The following DIP2C variants were observed in gnomAD, a reference collection of about 807,000 sequenced individuals.
DIP2C encodes DIP2 acetate--CoA ligase C (putative).
DIP2C carries 33 observed loss-of-function variants against 192.4 expected under a neutral mutation model. The ratio of observed to expected loss-of-function variants is 0.17; its 90% CI spans 0.13 to 0.23. The LOEUF (loss-of-function observed/expected upper bound fraction) is 0.23. Ranked by LOEUF, DIP2C falls within the 10% of genes least tolerant of loss-of-function variation. DIP2C has a pLI of 1.00. For synonymous variants in DIP2C, 979 were observed against 864.1 expected, an observed-to-expected ratio of 1.13 and a Z score of -2.33; for missense variants, 1,537 against 2,110.1, an observed-to-expected ratio of 0.73 and a Z score of 5.32.
intron 4 of DIP2C, among the ~76,000 whole-genome samples, chr10:438,781 ATGCC>A (rs1967481306): frequency 6.6e-6 from 1 of 152,082 alleles, no homozygotes; most frequent in South Asian, 2.1e-4. Context: ...ATGAGCCACC[ATGCC>A]TGGCCTAATC....
chr10:278,462 G>T (rs1418895170), intron 36 of DIP2C, among the ~76,000 whole-genome samples: 1 of 152,342 alleles, frequency 6.6e-6, no homozygotes, highest in East Asian at 1.9e-4. Context: ...GGACACACCT[G>T]GGCTGGCCCT....
At chr10:546,478 C>T (rs1013214580) in intron 1 of DIP2C, among the ~76,000 whole-genome samples, 5 of 152,164 alleles carry the variant, frequency 3.3e-5, no homozygotes, top group African/African-American at 1.2e-4. Flanking sequence ...GTTCAGTGGG[C>T]TGCAGAACTC....
intron 1 of DIP2C, among the ~76,000 whole-genome samples, chr10:686,486 G>A (rs531531901): frequency 6.6e-5 from 10 of 152,000 alleles, no homozygotes; most frequent in East Asian, 1.9e-4. Flanking sequence ...CCTCCTGACC[G>A]TGTGGCCTCC....
chr10:590,812 G>A lies in DIP2C; in HGVS notation c.85+98682C>T, dbSNP rs768327090. On this transcript the variant is annotated intron_variant, in intron 1 of 36. Coordinates refer to ENST00000280886, the MANE Select transcript of DIP2C (RefSeq NM_014974.3). The stretch of plus-strand genomic sequence containing the variant: ...ACCATTCTGATGACCTAGGCAGGTC[G>A]TCCTAAGGTCTCCACCGCACCAGAG... Among the ~76,000 whole-genome samples, 9 of 152,146 alleles carry A rather than the reference G, an allele frequency of 5.9e-5. 1 individual carries two copies. In the South Asian group the frequency reaches 1.2e-3, roughly 21 times the overall value.
chr10:417,499 G>A (rs1965721004), intron 6 of DIP2C, among the ~76,000 whole-genome samples: 1 of 152,192 alleles, frequency 6.6e-6, no homozygotes, highest in Non-Finnish European at 1.5e-5. Flanking sequence ...TCATCGCACT[G>A]GCAATCAGGG....
intron 3 of DIP2C, among the ~76,000 whole-genome samples, chr10:471,833 A>T (rs943219818): frequency 3.3e-5 from 5 of 151,962 alleles, no homozygotes; most frequent in African/African-American, 2.4e-5. Context: ...GCTCACTGCA[A>T]CCTCCGCCTC....
chr10:505,241 C>CT (rs1482986908), intron 1 of DIP2C, among the ~76,000 whole-genome samples: 2 of 152,202 alleles, frequency 1.3e-5, no homozygotes, highest in African/African-American at 2.4e-5. Context: ...CACAGAGTCA[C>CT]TAACTTCCCA....
At chr10:546,953 C>T (rs1056524047) in intron 1 of DIP2C, among the ~76,000 whole-genome samples, 2 of 152,160 alleles carry the variant, frequency 1.3e-5, no homozygotes, top group African/African-American at 2.4e-5. Flanking sequence ...ATTTTTCAGG[C>T]CACACCTGCA....
rs184573760 is a variant in DIP2C at position 278,603 on chromosome 10, G to A, written c.4419-1026C>T. ...TTGTAACAACTCTCTCTAAAGCACT[G>A]AGCATGGGCTGGCTGCCATACAGCC... is the stretch of plus-strand genomic sequence containing the variant. On this transcript the variant is annotated intron_variant, in intron 36 of 36. Coordinates refer to ENST00000280886, the MANE Select transcript of DIP2C (RefSeq NM_014974.3). Among the ~76,000 whole-genome samples the A allele has an allele frequency of 5.3e-4, 80 of 152,356 alleles. No homozygotes were observed. The East Asian group carries it at 0.014, about 27-fold the overall frequency.
At chr10:674,789 T>TATATATATATATATATAGAGAGAGAGAG in intron 1 of DIP2C, among the ~76,000 whole-genome samples, 3 of 62,478 alleles carry the variant, frequency 4.8e-5, no homozygotes, top group African/African-American at 1.8e-4. Context: ...TATATATATA[T>TATATATATATATATATAGAGAGAGAGAG]AGAGAGAGAG....
intron 1 of DIP2C, among the ~76,000 whole-genome samples, chr10:514,777 C>T (rs969991699): frequency 2.0e-5 from 3 of 152,196 alleles, no homozygotes; most frequent in African/African-American, 7.2e-5. Context: ...CACGTAATCA[C>T]CACCCCCCTT....
chr10:337,299 A>T (rs1392467943), intron 29 of DIP2C, among the ~76,000 whole-genome samples: 974 of 17,856 alleles, frequency 0.055, no homozygotes, highest in Middle Eastern at 0.14. Flanking sequence ...AGGCCTAGGC[A>T]GCTGTGTGTG....
intron 1 of DIP2C, among the ~76,000 whole-genome samples, chr10:592,961 C>T (rs557936544): frequency 2.6e-5 from 4 of 152,316 alleles, no homozygotes; most frequent in African/African-American, 9.6e-5. Flanking sequence ...GTTATTTGTA[C>T]TTCAAACAGG....
chr10:277,659 T>C, intron 36 of DIP2C, 82 bp from the exon 37 acceptor site: 2 of 1,550,022 alleles, frequency 1.3e-6, no homozygotes, highest in Non-Finnish European at 1.7e-6. Flanking sequence ...TCCACTTGGC[T>C]CTCTCTGACC....
intron 1 of DIP2C, among the ~76,000 whole-genome samples, chr10:611,107 G>A (rs560424663): frequency 1.3e-5 from 2 of 152,264 alleles, no homozygotes; most frequent in East Asian, 3.9e-4. Flanking sequence ...ACTCATGAGG[G>A]AGGTTTCTAA....
chr10:678,709 G>A lies in DIP2C; in HGVS notation c.85+10785C>T, dbSNP rs181443289. Among the ~76,000 whole-genome samples, 10 of 4,740 alleles carry A rather than the reference G, an allele frequency of 2.1e-3. 2 individuals carry two copies. Among genetic ancestry groups the A allele is most frequent in the African/African-American group, 2.9e-3 (9 of 3,086 alleles). 3.1% of individuals were successfully genotyped at this position (4,740 alleles called of 152,430 possible). On this transcript the variant is annotated intron_variant, in intron 1 of 36. Transcript: ENST00000280886. ...TGCTCCCCACACCCGTTCTCCCCACGCCCATGCTCCCCACACCCGTGCTCC... is the reference window on the plus strand; with the variant it reads ...TGCTCCCCACACCCGTTCTCCCCACACCCATGCTCCCCACACCCGTGCTCC...
chr10:599,503 C>T (rs553989608), intron 1 of DIP2C, among the ~76,000 whole-genome samples: 7 of 152,270 alleles, frequency 4.6e-5, no homozygotes, highest in Admixed American at 6.5e-5. Flanking sequence ...ACTTCCCAGT[C>T]GAAGGAAGCA....
Position 340,795 on chromosome 10 carries a change from C to T in DIP2C, c.3584+404G>A, listed in dbSNP as rs116759103. On this transcript the variant is annotated intron_variant, in intron 29 of 36. Transcript: ENST00000280886. ...TGGACTCACCTCTGGGCTTGCCCAG[C>T]CTAAGCCCCGCAGTAACAGCTGGGG... is the stretch of plus-strand genomic sequence containing the variant. 3,111 of 458,514 alleles carry T rather than the reference C, an allele frequency of 6.8e-3. 75 individuals are homozygous for T. The highest frequency in any genetic ancestry group is 0.056 in the African/African-American group (2,810 of 50,264). 28.4% of individuals were successfully genotyped at this position (458,514 alleles called of 1,614,324 possible).
intron 5 of DIP2C, 49 bp from the exon 6 acceptor site, chr10:419,248 C>G (rs767321237): frequency 6.2e-7 from 1 of 1,612,034 alleles, no homozygotes; most frequent in Non-Finnish European, 8.5e-7. Context: ...GATGTTTGCT[C>G]TGAAGGTGGA....
Sources: allele counts gnomAD v4.1 joint callset (sites outside exome capture counted in the v4.1 genomes callset), GRCh38; gene constraint gnomAD v4.1.1; transcripts MANE v1.5; gene names NCBI Gene and HGNC (gene_info 2026-07-23, HGNC 2026-07-21).